DSCAM: variants seen among roughly 807,000 people sequenced by gnomAD.
DSCAM encodes the protein cell adhesion molecule DSCAM.
Under a neutral mutation model 217.7 loss-of-function variants are expected in DSCAM, and 47 were observed. The ratio of observed to expected loss-of-function variants is 0.22; its 90% CI spans 0.17 to 0.28. The LOEUF is 0.28. DSCAM is among the 10% of genes least tolerant of loss of function. The pLI, the probability that DSCAM is intolerant of heterozygous loss-of-function variation, is 1.00. For missense variants in DSCAM, 2,080 were observed against 2,618.3 expected (o/e 0.79, Z 4.49); for synonymous variants, 1,056 against 1,015.3 (o/e 1.04, Z -0.76).
intron 2 of DSCAM, among the ~76,000 whole-genome samples, chr21:40,694,845 G>A (rs191721470): frequency 9.9e-5 from 15 of 151,908 alleles, no homozygotes; most frequent in Admixed American, 7.9e-4. Flanking sequence ...TGAGGTCTAC[G>A]GTAATAGATT....
intron 11 of DSCAM, among the ~76,000 whole-genome samples, chr21:40,217,948 T>C (rs1257681436): frequency 6.6e-6 from 1 of 152,208 alleles, no homozygotes; most frequent in African/African-American, 2.4e-5. Flanking sequence ...TCCCATTCTG[T>C]AGGTTGTTTA....
intron 3 of DSCAM, among the ~76,000 whole-genome samples, chr21:40,584,264 C>T (rs984808237): frequency 6.6e-6 from 1 of 152,086 alleles, no homozygotes; most frequent in South Asian, 2.1e-4. Flanking sequence ...TTTCAGAGCC[C>T]TAGTTACCTC....
chr21:40,225,574 C>T (rs1238576905), intron 11 of DSCAM, among the ~76,000 whole-genome samples: 1 of 152,104 alleles, frequency 6.6e-6, no homozygotes, highest in Non-Finnish European at 1.5e-5. Flanking sequence ...CAACAGTGCC[C>T]TCCTGGATCC....
rs112432333 is a variant in DSCAM, at chr21:40,596,071, T to A, written c.508+96739A>T. 4.3e-3 allele frequency among the ~76,000 whole-genome samples: 661 copies of A among 152,320 alleles called. 6 individuals are homozygous for A. Among genetic ancestry groups the A allele is most frequent in the African/African-American group, 0.015 (617 of 41,566 alleles). ...AGCACTAGGACCAGCCTGTTTTCTCTGCAGTGGTTTGCTGAGCCCATGCTC... is the reference window on the plus strand; with the variant it reads ...AGCACTAGGACCAGCCTGTTTTCTCAGCAGTGGTTTGCTGAGCCCATGCTC... On this transcript the variant is annotated intron_variant, in intron 3 of 32. Transcript: ENST00000400454.
intron 11 of DSCAM, among the ~76,000 whole-genome samples, chr21:40,205,168 A>T (rs531460555): frequency 6.6e-6 from 1 of 152,356 alleles, no homozygotes; most frequent in East Asian, 1.9e-4. Flanking sequence ...GGGGAGACGA[A>T]CAGACACTAA....
intron 3 of DSCAM, among the ~76,000 whole-genome samples, chr21:40,478,770 A>G (rs1308010696): frequency 3.9e-5 from 6 of 152,170 alleles, no homozygotes; most frequent in South Asian, 2.1e-4. Context: ...AAGACCCCCA[A>G]TGGATGCCTG....
At chr21:40,321,229 G>A in intron 8 of DSCAM, among the ~76,000 whole-genome samples, 1 of 152,104 alleles carries the variant, frequency 6.6e-6, no homozygotes, top group South Asian at 2.1e-4. Flanking sequence ...TCAGCTCAAT[G>A]CTGTTGACTC....
At chr21:40,277,333 T>C (rs1181599913) in intron 10 of DSCAM, among the ~76,000 whole-genome samples, 1 of 152,136 alleles carries the variant, frequency 6.6e-6, no homozygotes, top group Non-Finnish European at 1.5e-5. Flanking sequence ...CTTCAGACTT[T>C]GCATCTGAGG....
At chr21:40,093,063 C>T (rs188234049) in intron 21 of DSCAM, among the ~76,000 whole-genome samples, 11 of 152,260 alleles carry the variant, frequency 7.2e-5, no homozygotes, top group African/African-American at 2.6e-4. Flanking sequence ...TCCTGCTGGC[C>T]TGGAATTGTG....
Position 40,414,782 on chromosome 21 carries a change from A to G in DSCAM, c.509-45537T>C, listed in dbSNP as rs557515207. On this transcript the variant is annotated intron_variant, in intron 3 of 32. Coordinates refer to ENST00000400454, the MANE Select transcript of DSCAM (RefSeq NM_001389.5). ...ATTACCTGCCGACATGAACCTGCCT[A>G]AGGCAACAAAGTGTTCTGATAAAGC... Among the ~76,000 whole-genome samples, 2 of 152,322 alleles carry G rather than the reference A, an allele frequency of 1.3e-5. 1 individual carries two copies. Among genetic ancestry groups the G allele is most frequent in the South Asian group, 4.1e-4 (2 of 4,830 alleles).
chr21:40,294,253 CAT>C (rs2073928784), intron 10 of DSCAM, among the ~76,000 whole-genome samples: 1 of 152,070 alleles, frequency 6.6e-6, no homozygotes, highest in Non-Finnish European at 1.5e-5. Context: ...ATAAATAAGA[CAT>C]AGAGATAAGC....
intron 3 of DSCAM, among the ~76,000 whole-genome samples, chr21:40,442,272 A>G (rs144947137): frequency 6.6e-6 from 1 of 152,144 alleles, no homozygotes; most frequent in African/African-American, 2.4e-5. Flanking sequence ...ATTTACATGC[A>G]TATGTGTAGA....
chr21:40,580,848 A>G (rs1465568250), intron 3 of DSCAM, among the ~76,000 whole-genome samples: 1 of 152,208 alleles, frequency 6.6e-6, no homozygotes, highest in African/African-American at 2.4e-5. Flanking sequence ...CTTGTGGAGC[A>G]TAGCTATGGT....
intron 8 of DSCAM, among the ~76,000 whole-genome samples, chr21:40,319,846 A>G (rs1601547702): frequency 6.6e-6 from 1 of 152,162 alleles, no homozygotes. Flanking sequence ...TGGTAAAAAT[A>G]CCCCATGGAA....
chr21:40,285,435 G>A (rs946047861), intron 10 of DSCAM, among the ~76,000 whole-genome samples: 1 of 152,184 alleles, frequency 6.6e-6, no homozygotes, highest in African/African-American at 2.4e-5. Flanking sequence ...CTGTCCTGGT[G>A]GCTCCACCAA....
Position 40,078,693 on chromosome 21 carries a change from C to A in DSCAM, c.4705G>T (p.Asp1569Tyr), listed in dbSNP as rs774126336. Reference protein sequence around the residue: ...KQANFATLNYDGSTIPPLIKS... With the variant: ...KQANFATLNYYGSTIPPLIKS... ...ACAAAGCCAGCCAGCTTACTGCCAT[C>A]GTAGTTCAGCGTAGCGAAGTTGGCC... is the stretch of plus-strand genomic sequence containing the variant. The change falls in exon 26 of 33, where the codon GAT becomes TAT. Residue 1569 changes from aspartate (D) to tyrosine (Y), a missense_variant. Transcript: ENST00000400454. 1.2e-6 allele frequency: 2 copies of A among 1,612,840 alleles called. No homozygotes were observed. The highest frequency in any genetic ancestry group is 1.1e-5 in the South Asian group (1 of 90,976).
chr21:40,406,599 G>C (rs1329791279), intron 3 of DSCAM, among the ~76,000 whole-genome samples: 4 of 152,056 alleles, frequency 2.6e-5, no homozygotes, highest in Non-Finnish European at 5.9e-5. Context: ...TTGTTTGTTT[G>C]TTTGTTTTTG....
rs924674361 is a variant in DSCAM, at chr21:40,205,870, C to G, written c.2357-16632G>C. Among the ~76,000 whole-genome samples the G allele has an allele frequency of 3.9e-5, 6 of 152,200 alleles. No individual in the cohort carries two copies. The East Asian group carries it at 1.2e-3, about 29-fold the overall frequency. Reference sequence around the variant, plus strand: ...TGTTTAAAAGCATCACCTATAGTTTCTCCTGAAGAAAGATTGTTGCACTGC... The same window carrying G: ...TGTTTAAAAGCATCACCTATAGTTTGTCCTGAAGAAAGATTGTTGCACTGC... On this transcript the variant is annotated intron_variant, in intron 11 of 32. Transcript: ENST00000400454.
At chr21:40,733,910 C>T (rs975007475) in intron 1 of DSCAM, among the ~76,000 whole-genome samples, 2 of 152,174 alleles carry the variant, frequency 1.3e-5, no homozygotes, top group African/African-American at 4.8e-5. Flanking sequence ...TTGTCATAAA[C>T]AGATGATATT....
Sources: gnomAD v4.1 joint callset for allele counts (sites outside exome capture counted in the v4.1 genomes callset) on GRCh38, gnomAD v4.1.1 for gene constraint, MANE v1.5 for transcripts, NCBI Gene and HGNC (gene_info 2026-07-23, HGNC 2026-07-21) for gene names.